OR2AK2: variants seen among roughly 807,000 people sequenced by gnomAD.
OR2AK2 encodes the protein olfactory receptor 2AK2.
For synonymous variants in OR2AK2, 139 were observed against 147.2 expected, an observed-to-expected ratio of 0.94 and a Z score of 0.40; for missense variants, 392 against 384.1, an observed-to-expected ratio of 1.02 and a Z score of -0.17.
At chr1:247,966,104 C>T (rs200166151) in exon 1 of OR2AK2, 2 of 1,613,964 alleles carry the variant, frequency 1.2e-6, no homozygotes, top group Non-Finnish European at 1.7e-6. Context: ...ACTTGTTCCT[C>T]CCACCTGATT....
At chr1:247,965,488 G>T in exon 1 of OR2AK2, 1 of 1,613,528 alleles carries the variant, frequency 6.2e-7, no homozygotes, top group Non-Finnish European at 8.5e-7. Flanking sequence ...CTTTACAGTT[G>T]CTCTGACAGG....
At position 247,965,326 on chromosome 1, in the gene OR2AK2, T is replaced by G; in HGVS notation, c.-51T>G. 1 of 1,538,184 alleles carries G rather than the reference T, an allele frequency of 6.5e-7. No individual in the cohort carries two copies. The highest frequency in any genetic ancestry group is 2.3e-5 in the East Asian group (1 of 43,026). ...ACTTTCTCTTAAGGGAAGTCAACAT[T>G]ATTACATGAACATTTCAGATGTCAT... On this transcript the variant is annotated 5_prime_UTR_variant, in exon 1 of 1. The change creates a new upstream start codon in the 5' untranslated region. Transcript: ENST00000366480.
chr1:247,965,330 A>T, exon 1 of OR2AK2: 1 of 1,549,738 alleles, frequency 6.5e-7, no homozygotes, highest in African/African-American at 1.4e-5. Flanking sequence ...CAACATTATT[A>T]CATGAACATT....
chr1:247,966,050 T>C (rs1292540948), exon 1 of OR2AK2: 5 of 1,614,168 alleles, frequency 3.1e-6, no homozygotes, highest in Admixed American at 1.7e-5. Context: ...CTTATTGTGG[T>C]ATTCCAGATG....
exon 1 of OR2AK2, chr1:247,965,424 TCTTTTC>T (rs1459223345): frequency 6.2e-7 from 1 of 1,613,306 alleles, no homozygotes; most frequent in African/African-American, 1.3e-5. Context: ...TACTTGTTGG[TCTTTTC>T]CAATATGGCT....
At chr1:247,966,279 G>A in exon 1 of OR2AK2, 1 of 1,613,800 alleles carries the variant, frequency 6.2e-7, no homozygotes, top group Non-Finnish European at 8.5e-7. Flanking sequence ...CGGGGGCAGT[G>A]AGGAGACTGT....
At chr1:247,965,833 T>A in exon 1 of OR2AK2, 1 of 1,613,292 alleles carries the variant, frequency 6.2e-7, no homozygotes, top group Non-Finnish European at 8.5e-7. Flanking sequence ...GGCCAGTGGT[T>A]CTATCAATGC....
In OR2AK2 at chr1:247,965,426, T is replaced by A; in HGVS notation, c.50T>A (p.Leu17His). The A allele has an allele frequency of 6.2e-7, 1 of 1,613,170 alleles. No individual in the cohort carries two copies. ...GGGACAGATTTTCTACTTGTTGGTC[T>A]TTTCCAATATGGCTGGATAAACTCT... is the stretch of plus-strand genomic sequence containing the variant. The change falls in exon 1 of 1, where the codon CTT (leucine) becomes CAT (histidine). Residue 17 changes from leucine (L) to histidine (H), a missense_variant. Physicochemically the swap from Leu to His is moderately conservative, Grantham distance 99. Coordinates refer to ENST00000366480, the Ensembl canonical transcript of OR2AK2.
At chr1:247,965,627 G>A (rs6664332) in exon 1 of OR2AK2, 525,729 of 1,550,106 alleles carry the variant, frequency 0.34, 90,776 homozygotes, top group East Asian at 0.49. Flanking sequence ...ATGGCAGTCA[G>A]CTTCCTCTCA....
At chr1:247,966,351 C>A in exon 1 of OR2AK2, 2 of 1,594,356 alleles carry the variant, frequency 1.3e-6, no homozygotes, top group Non-Finnish European at 1.7e-6. Context: ...TGAGCATTAA[C>A]AACATAAAAA....
exon 1 of OR2AK2, chr1:247,966,061 A>G: frequency 6.2e-7 from 1 of 1,614,086 alleles, no homozygotes; most frequent in Non-Finnish European, 8.5e-7. Context: ...ATTCCAGATG[A>G]GCTCAGGAAA....
exon 1 of OR2AK2, chr1:247,965,360 A>G (rs777560169): frequency 6.2e-7 from 1 of 1,600,328 alleles, no homozygotes; most frequent in Non-Finnish European, 8.5e-7. Context: ...ATCTCCTTTG[A>G]TATTTTGGTT....
chr1:247,965,270 G>T (rs1028414923), exon 1 of OR2AK2: 25 of 1,330,978 alleles, frequency 1.9e-5, no homozygotes, highest in Admixed American at 2.8e-5. Flanking sequence ...ACATGTAAGT[G>T]AATATTTATT....
exon 1 of OR2AK2, chr1:247,965,736 T>C (rs1660953870): frequency 1.3e-6 from 2 of 1,562,508 alleles, no homozygotes; most frequent in Admixed American, 1.9e-5. Flanking sequence ...TTATGTCTTA[T>C]GATCGCTATG....
rs889954398 is a variant in OR2AK2, at chr1:247,965,279, T to C, written c.-98T>C. ...TGCCAAACATGTAAGTGAATATTTA[T>C]TTCTGAATGCCATGTCATTTTACTT... On this transcript the variant is annotated 5_prime_UTR_variant, in exon 1 of 1. Transcript: ENST00000366480. 5.1e-6 allele frequency: 7 copies of C among 1,378,448 alleles called. No individual in the cohort carries two copies. The African/African-American group carries it at 1.0e-4, about 20-fold the overall frequency. The allele number at this position is 1,378,448 out of a possible 1,614,324, so 85.4% of individuals were successfully genotyped here.
chr1:247,965,718 C>G, exon 1 of OR2AK2: 2 of 1,556,144 alleles, frequency 1.3e-6, no homozygotes, highest in Non-Finnish European at 1.7e-6. Context: ...AAGCCCTTCT[C>G]CTTGGTTTTA....
At position 247,966,183 on chromosome 1, in the gene OR2AK2, A is replaced by G. The variant is rs374751470; in HGVS notation, c.807A>G (p.Ser269=). 1.4e-4 allele frequency: 220 copies of G among 1,613,838 alleles called. 1 individual carries two copies. Among genetic ancestry groups the G allele is most frequent in the Non-Finnish European group, 1.4e-4 (171 of 1,179,976 alleles). ...GGCCACACTCCTTGCGTTCCCCTTC[A>G]CGGGATAAGGCGGTGGCAGTATTTT... The change falls in exon 1 of 1, where the codon TCA becomes TCG. Residue 269 remains serine (S), a synonymous_variant. Transcript: ENST00000366480.
rs930148276 is a variant in OR2AK2, at chr1:247,965,956, C to T, written c.580C>T (p.Gln194Ter). Residue 194 changes from glutamine to a stop codon, truncating the protein, a stop_gained, in exon 1 of 1, where the codon CAG becomes TAG. Coordinates refer to ENST00000366480, the Ensembl canonical transcript of OR2AK2. LOFTEE classifies it low-confidence loss of function (END_TRUNC). ...ATCATTGGTGTGTCAGGACACCTCC[C>T]AGTATGAGTATACAGTCCTCCTGAG... The T allele has an allele frequency of 6.2e-7, 1 of 1,608,702 alleles. No individual in the cohort carries two copies. The highest frequency in any genetic ancestry group is 1.7e-5 in the Admixed American group (1 of 59,700).
exon 1 of OR2AK2, chr1:247,966,110 T>C (rs1660965947): frequency 1.1e-5 from 17 of 1,614,102 alleles, no homozygotes; most frequent in Non-Finnish European, 1.4e-5. Context: ...TCCTCCCACC[T>C]GATTGTGGCA....
Sources: allele counts gnomAD v4.1 joint callset, GRCh38; gene constraint gnomAD v4.1.1; transcripts MANE v1.5; gene names NCBI Gene and HGNC (gene_info 2026-07-23, HGNC 2026-07-21).